The following DNAH8 variants were observed in gnomAD, a reference collection of about 807,000 sequenced individuals.
DNAH8 encodes the protein axonemal beta dynein heavy chain 8.
A neutral mutation model predicts 562.1 loss-of-function variants in DNAH8; 382 were observed. That is an observed-to-expected ratio of 0.68 (90% CI 0.63 to 0.74). The LOEUF is 0.74. DNAH8 is among the 30% of genes least tolerant of loss of function. The probability of loss-of-function intolerance (pLI) is 0.00; values close to 1 mark genes in which losing one functional copy is unlikely to be tolerated. For synonymous variants in DNAH8, 1,881 were observed against 1,919.4 expected, an observed-to-expected ratio of 0.98 and a Z score of 0.52; for missense variants, 5,203 against 5,620.4, an observed-to-expected ratio of 0.93 and a Z score of 2.37.
intron 62 of DNAH8, among the ~76,000 whole-genome samples, chr6:38,903,879 G>A (rs1369904774): frequency 6.6e-6 from 1 of 151,762 alleles, no homozygotes; most frequent in Non-Finnish European, 1.5e-5. Context: ...CAAAGTGCTG[G>A]GATTACAAGC....
In DNAH8 at chr6:38,947,892, T is replaced by TA. The variant is rs575659231; in HGVS notation, c.12130-1559dup. ...TCTCCTGAGTAGCTAGGATTACAGA[T>TA]ACACGCTGCCACGCCCAGCTAATTT... is the stretch of plus-strand genomic sequence containing the variant. On this transcript the variant is annotated intron_variant, in intron 80 of 92. Coordinates refer to ENST00000327475, the MANE Select transcript of DNAH8 (RefSeq NM_001206927.2). 1.1e-4 allele frequency among the ~76,000 whole-genome samples: 16 copies of TA among 152,192 alleles called. No homozygotes were observed. The South Asian group carries it at 3.3e-3, about 32-fold the overall frequency.
At position 38,826,187 on chromosome 6, in the gene DNAH8, C is replaced by T. The variant is rs1402999714; in HGVS notation, c.3879C>T (p.Ala1293=). 4.3e-6 allele frequency: 7 copies of T among 1,609,962 alleles called. No homozygotes were observed. The highest frequency in any genetic ancestry group is 5.9e-6 in the Non-Finnish European group (7 of 1,178,402). Residue 1293 remains alanine, a synonymous_variant, in exon 29 of 93, where the codon GCC becomes GCT. Transcript: ENST00000327475. The stretch of plus-strand genomic sequence containing the variant: ...TGAAATTGGCCTTATCCATCGAGGC[C>T]AAGGCATGGAAGATGTTACTCTGTC... The part of the protein sequence containing the change: ...EPMKLALSIE[A]KAWKMLLCRY...
At chr6:38,784,687 A>G (rs1169633694) in intron 17 of DNAH8, among the ~76,000 whole-genome samples, 1 of 152,224 alleles carries the variant, frequency 6.6e-6, no homozygotes. Context: ...TACATGTATT[A>G]TGCAAATTAC....
intron 21 of DNAH8, among the ~76,000 whole-genome samples, chr6:38,800,025 T>C (rs1280378829): frequency 6.6e-6 from 1 of 152,232 alleles, no homozygotes; most frequent in African/African-American, 2.4e-5. Flanking sequence ...TATGGCTTAC[T>C]GCAGCCTCTA....
chr6:38,944,997 C>T (rs977387024), intron 79 of DNAH8, among the ~76,000 whole-genome samples: 2 of 151,990 alleles, frequency 1.3e-5, no homozygotes, highest in Non-Finnish European at 2.9e-5. Flanking sequence ...TAACCCTAAC[C>T]CTAACCCTAA....
chr6:39,012,846 A>G (rs952784681), intron 91 of DNAH8, among the ~76,000 whole-genome samples: 2 of 152,222 alleles, frequency 1.3e-5, no homozygotes, highest in African/African-American at 4.8e-5. Context: ...ATTCTTTACA[A>G]TGTGGTAGCA....
chr6:38,890,686 A>G lies in DNAH8; in HGVS notation c.8508A>G (p.Arg2836=). Residue 2836 remains arginine (R), a synonymous_variant, in exon 58 of 93, where the codon AGA becomes AGG. Coordinates refer to ENST00000327475, the MANE Select transcript of DNAH8 (RefSeq NM_001206927.2). ...GATGTGGATACTTTGATCCTTGTAG[A>G]AGTTTCAAGCCTCAAATATGTGAGA... ...IIGCGYFDPC[R]SFKPQICEMI... 1 of 1,613,702 alleles carries G rather than the reference A, an allele frequency of 6.2e-7. No individual in the cohort carries two copies. The highest frequency in any genetic ancestry group is 8.5e-7 in the Non-Finnish European group (1 of 1,179,624).
At chr6:38,932,068 G>C in intron 76 of DNAH8, 75 bp downstream of exon 76, 1 of 1,203,790 alleles carries the variant, frequency 8.3e-7, no homozygotes, top group Non-Finnish European at 1.1e-6. Context: ...TGCTAAGTAT[G>C]TGAAAAAGAA....
chr6:38,996,881 G>A (rs17337012), intron 88 of DNAH8, among the ~76,000 whole-genome samples: 37,855 of 152,052 alleles, frequency 0.25, 5,003 homozygotes, highest in Middle Eastern at 0.36. Flanking sequence ...GTAGGATGCC[G>A]TAAGCGAGCT....
chr6:38,934,517 T>C lies in DNAH8; in HGVS notation c.11458-1075T>C, dbSNP rs369456665. Among the ~76,000 whole-genome samples, 6 of 152,316 alleles carry C rather than the reference T, an allele frequency of 3.9e-5. 1 individual carries two copies. The East Asian group carries it at 1.2e-3, about 29-fold the overall frequency. ...AAAATGATGAAATTTCTGAAGCAATTTTCCCAGAAACCTTCCCAAATAAGT... is the reference window on the plus strand; with the variant it reads ...AAAATGATGAAATTTCTGAAGCAATCTTCCCAGAAACCTTCCCAAATAAGT... On this transcript the variant is annotated intron_variant, in intron 76 of 92. Transcript: ENST00000327475.
intron 4 of DNAH8, among the ~76,000 whole-genome samples, chr6:38,734,170 C>G (rs1362550056): frequency 6.6e-6 from 1 of 151,600 alleles, no homozygotes; most frequent in Non-Finnish European, 1.5e-5. Context: ...GCATGTAGTC[C>G]CAGCTACTTG....
In DNAH8 at chr6:38,984,262, A is replaced by G. The variant is rs768581150; in HGVS notation, c.13008A>G (p.Arg4336=). ...TCGGAGAAGTACAATATGGAGGCAG[A>G]GTGACAGATGACTTTGACAAACGTC... ...YMIGEVQYGG[R]VTDDFDKRLL... Residue 4336 remains arginine (R), a synonymous_variant, in exon 87 of 93, where the codon AGA becomes AGG. Transcript: ENST00000327475. 1.9e-6 allele frequency: 3 copies of G among 1,611,314 alleles called. No homozygotes were observed. In the East Asian group the frequency reaches 6.7e-5, roughly 36 times the overall value.
intron 79 of DNAH8, among the ~76,000 whole-genome samples, chr6:38,939,710 G>A (rs757691611): frequency 1.3e-5 from 2 of 152,192 alleles, no homozygotes; most frequent in Non-Finnish European, 2.9e-5. Context: ...ATACCTTTGT[G>A]GGTTAAGCCA....
chr6:38,731,233 A>G (rs957205875), intron 4 of DNAH8, among the ~76,000 whole-genome samples: 2 of 152,244 alleles, frequency 1.3e-5, no homozygotes, highest in Admixed American at 6.5e-5. Flanking sequence ...GAAAGATAAA[A>G]TATCTATAAT....
At chr6:39,026,466 G>A in intron 91 of DNAH8, 80 bp from the exon 92 acceptor site, 2 of 1,401,944 alleles carry the variant, frequency 1.4e-6, no homozygotes, top group East Asian at 2.3e-5. Context: ...TGATAAGCAA[G>A]TAACACTTAA....
chr6:38,988,111 C>T (rs1426361745), intron 87 of DNAH8, among the ~76,000 whole-genome samples: 1 of 152,232 alleles, frequency 6.6e-6, no homozygotes, highest in East Asian at 1.9e-4. Context: ...ATGGCATCCT[C>T]TGTCCCTCTG....
chr6:38,719,711 T>C (rs190912328), intron 1 of DNAH8, among the ~76,000 whole-genome samples: 13 of 152,312 alleles, frequency 8.5e-5, no homozygotes, highest in Middle Eastern at 3.4e-3. Flanking sequence ...TCATTCCCTC[T>C]AGCATCAGAG....
At chr6:39,016,672 A>C (rs17422753) in intron 91 of DNAH8, among the ~76,000 whole-genome samples, 22,606 of 152,242 alleles carry the variant, frequency 0.15, 1,839 homozygotes, top group Middle Eastern at 0.2. Context: ...ACCATAAGGA[A>C]GACTATAGAA....
intron 21 of DNAH8, among the ~76,000 whole-genome samples, chr6:38,797,820 C>T (rs1381206803): frequency 6.6e-6 from 1 of 152,108 alleles, no homozygotes; most frequent in Non-Finnish European, 1.5e-5. Context: ...GCTGAAGACC[C>T]CTTCCACGCT....
Sources: allele counts gnomAD v4.1 joint callset (sites outside exome capture counted in the v4.1 genomes callset), GRCh38; gene constraint gnomAD v4.1.1; transcripts MANE v1.5; gene names NCBI Gene and HGNC (gene_info 2026-07-23, HGNC 2026-07-21).